Variants in CAMK1D observed in about 807,000 individuals in gnomAD.
CAMK1D encodes calcium/calmodulin dependent protein kinase ID, also known as calcium/calmodulin-dependent protein kinase type 1D.
In CAMK1D, 9 loss-of-function variants were observed where a neutral mutation model predicts 47.7. That is an observed-to-expected ratio of 0.19 (90% CI 0.11 to 0.33). The LOEUF is 0.33. CAMK1D is among the 10% of genes least tolerant of loss of function. The probability of loss-of-function intolerance (pLI) is 1.00; values close to 1 mark genes in which losing one functional copy is unlikely to be tolerated. For synonymous variants in CAMK1D, 184 were observed against 184.9 expected (o/e 0.99, Z 0.04); for missense variants, 291 against 488.7 (o/e 0.60, Z 3.81).
intron 2 of CAMK1D, among the ~76,000 whole-genome samples, chr10:12,567,341 T>G (rs777626739): frequency 2.0e-5 from 3 of 152,182 alleles, no homozygotes; most frequent in Admixed American, 6.5e-5. Flanking sequence ...GGAGGCAGCT[T>G]TCCCACGTAC....
chr10:12,590,275 T>TGGCAACATCATCGCCCACTGCAGC (rs1837958189), intron 2 of CAMK1D, among the ~76,000 whole-genome samples: 1 of 152,170 alleles, frequency 6.6e-6, no homozygotes, highest in Non-Finnish European at 1.5e-5. Context: ...TGGAGTGCAG[T>TGGCAACATCATCGCCCACTGCAGC]GGCACCATCA....
chr10:12,584,978 A>G (rs2895527), intron 2 of CAMK1D, among the ~76,000 whole-genome samples: 80,687 of 152,056 alleles, frequency 0.53, 22,704 homozygotes, highest in African/African-American at 0.73. Context: ...AAAAATAAGC[A>G]AGTCACATAT....
chr10:12,785,906 C>T (rs1362020001), intron 5 of CAMK1D, among the ~76,000 whole-genome samples: 5 of 152,150 alleles, frequency 3.3e-5, no homozygotes, highest in Non-Finnish European at 5.9e-5. Context: ...AGCTGACTCC[C>T]GATCACAGGA....
At chr10:12,756,176 G>C (rs1836219576) in intron 3 of CAMK1D, among the ~76,000 whole-genome samples, 1 of 152,096 alleles carries the variant, frequency 6.6e-6, no homozygotes, top group Non-Finnish European at 1.5e-5. Flanking sequence ...TGGATTATTG[G>C]AGCCTGCTTC....
intron 6 of CAMK1D, among the ~76,000 whole-genome samples, chr10:12,792,956 GCGCGCACA>G (rs1348675701): frequency 2.0e-5 from 2 of 98,694 alleles, no homozygotes; most frequent in East Asian, 3.3e-4. Flanking sequence ...TCACATGTGT[GCGCGCACA>G]CACACACACA....
At chr10:12,703,868 CA>C (rs766290620) in intron 3 of CAMK1D, among the ~76,000 whole-genome samples, 2,559 of 67,508 alleles carry the variant, frequency 0.038, 53 homozygotes, top group African/African-American at 0.11. Context: ...GACTCCGTCT[CA>C]AAAAAAAAAA....
At chr10:12,634,785 C>T (rs552566582) in intron 2 of CAMK1D, among the ~76,000 whole-genome samples, 9 of 152,048 alleles carry the variant, frequency 5.9e-5, no homozygotes, top group South Asian at 4.2e-4. Flanking sequence ...TTCTCTCTGC[C>T]GCTGGGAGGC....
intron 1 of CAMK1D, among the ~76,000 whole-genome samples, chr10:12,482,271 T>C (rs1159322214): frequency 1.3e-5 from 2 of 152,152 alleles, no homozygotes; most frequent in African/African-American, 4.8e-5. Flanking sequence ...AGCAGCACTT[T>C]GGGAAGCTGG....
At chr10:12,825,286 C>T (rs908019719) in intron 9 of CAMK1D, among the ~76,000 whole-genome samples, 5 of 152,006 alleles carry the variant, frequency 3.3e-5, no homozygotes, top group African/African-American at 1.2e-4. Context: ...ATTCTAAAGG[C>T]CACATCTCTT....
chr10:12,576,628 C>G (rs908654998), intron 2 of CAMK1D, among the ~76,000 whole-genome samples: 1 of 152,172 alleles, frequency 6.6e-6, no homozygotes, highest in East Asian at 1.9e-4. Context: ...AAGGAACACA[C>G]AACCTAGGTT....
At chr10:12,466,045 C>T (rs1588516602) in intron 1 of CAMK1D, among the ~76,000 whole-genome samples, 1 of 152,116 alleles carries the variant, frequency 6.6e-6, no homozygotes, top group Non-Finnish European at 1.5e-5. Flanking sequence ...TGGCTGGATG[C>T]TGTGGCTGAT....
intron 2 of CAMK1D, among the ~76,000 whole-genome samples, chr10:12,644,452 C>A (rs1839760308): frequency 2.6e-5 from 4 of 152,192 alleles, no homozygotes; most frequent in Admixed American, 2.6e-4. Flanking sequence ...CAAAATTAAT[C>A]TTTCCTTGTC....
intron 1 of CAMK1D, among the ~76,000 whole-genome samples, chr10:12,413,457 G>A (rs1163314668): frequency 3.4e-5 from 1 of 29,106 alleles, no homozygotes; most frequent in Non-Finnish European, 7.3e-5. Context: ...GTCAGGCCCT[G>A]TTCTCTTCTC....
At chr10:12,435,010 G>C (rs577997297) in intron 1 of CAMK1D, among the ~76,000 whole-genome samples, 1 of 152,074 alleles carries the variant, frequency 6.6e-6, no homozygotes, top group African/African-American at 2.4e-5. Flanking sequence ...CTGAGGTCAG[G>C]AGTTCGAGAC....
At chr10:12,391,599 C>T (rs1291039192) in intron 1 of CAMK1D, among the ~76,000 whole-genome samples, 2 of 152,172 alleles carry the variant, frequency 1.3e-5, no homozygotes, top group Admixed American at 6.5e-5. Context: ...TATTCCCTTT[C>T]GGGAGGATGA....
intron 3 of CAMK1D, among the ~76,000 whole-genome samples, chr10:12,683,741 GGTGTGTGTGTGTGT>G (rs10554443): frequency 9.0e-5 from 13 of 144,978 alleles, no homozygotes; most frequent in Middle Eastern, 3.5e-3. Flanking sequence ...TAGGAATCCA[GGTGTGTGTGTGTGT>G]GTGTGTGTGT....
intron 2 of CAMK1D, among the ~76,000 whole-genome samples, chr10:12,588,797 CACACACACACACAT>C (rs1837899607): frequency 6.7e-6 from 1 of 150,194 alleles, no homozygotes; most frequent in South Asian, 2.1e-4. Context: ...TATACACACA[CACACACACACACAT>C]ACACACATGC....
intron 1 of CAMK1D, among the ~76,000 whole-genome samples, chr10:12,494,684 C>T (rs1834484594): frequency 6.6e-6 from 1 of 152,200 alleles, no homozygotes; most frequent in African/African-American, 2.4e-5. Context: ...CCTGCCTTAG[C>T]CTCCTGAGTA....
intron 1 of CAMK1D, among the ~76,000 whole-genome samples, chr10:12,444,807 G>A (rs889400881): frequency 5.9e-5 from 9 of 152,206 alleles, no homozygotes; most frequent in Non-Finnish European, 7.3e-5. Flanking sequence ...ATAAGGGGTT[G>A]TGTAGACCAA....
Sources: gnomAD v4.1 joint callset for allele counts (sites outside exome capture counted in the v4.1 genomes callset) on GRCh38, gnomAD v4.1.1 for gene constraint, MANE v1.5 for transcripts, NCBI Gene and HGNC (gene_info 2026-07-23, HGNC 2026-07-21) for gene names.